Variants in XIRP2 observed in about 807,000 individuals in gnomAD.
XIRP2 encodes xin actin binding repeat containing 2.
XIRP2 carries 236 observed loss-of-function variants against 277.0 expected under a neutral mutation model. That is an observed-to-expected ratio of 0.85 (90% CI 0.77 to 0.95). The LOEUF is 0.95. Among genes scored for constraint, XIRP2 ranks in the 40% least tolerant of loss-of-function variants. The probability of loss-of-function intolerance (pLI) is 0.00; values close to 1 mark genes in which losing one functional copy is unlikely to be tolerated. For missense variants in XIRP2, 4,640 were observed against 4,157.5 expected (o/e 1.12, Z -3.19); for synonymous variants, 1,490 against 1,416.5 (o/e 1.05, Z -1.17).
intron 2 of XIRP2, among the ~76,000 whole-genome samples, chr2:166,908,185 G>T (rs1304278520): frequency 1.3e-5 from 2 of 152,104 alleles, no homozygotes; most frequent in African/African-American, 4.8e-5. Flanking sequence ...TTGAGGAATT[G>T]CCATACTGTC....
intron 2 of XIRP2, among the ~76,000 whole-genome samples, chr2:167,003,511 C>G (rs1339741533): frequency 6.7e-6 from 1 of 149,472 alleles, no homozygotes; most frequent in Non-Finnish European, 1.5e-5. Context: ...AGTGATAGCC[C>G]AGACACAAAA....
chr2:167,052,046 C>T (rs982344600), intron 2 of XIRP2, among the ~76,000 whole-genome samples: 3 of 151,914 alleles, frequency 2.0e-5, no homozygotes, highest in Admixed American at 6.6e-5. Flanking sequence ...ACTAGAGTGA[C>T]TACTACAAGC....
chr2:167,048,504 G>T (rs1300556132), intron 2 of XIRP2, among the ~76,000 whole-genome samples: 1 of 150,742 alleles, frequency 6.6e-6, no homozygotes, highest in Non-Finnish European at 1.5e-5. Context: ...CCCTTCTCTT[G>T]GTCCTTTTGC....
intron 5 of XIRP2, among the ~76,000 whole-genome samples, chr2:167,233,812 G>C (rs766647630): frequency 1.3e-5 from 2 of 151,234 alleles, no homozygotes; most frequent in Non-Finnish European, 3.0e-5. Flanking sequence ...TAGTGTCTCT[G>C]GTTTTAAGAT....
chr2:167,040,459 G>A (rs765728503), intron 2 of XIRP2, among the ~76,000 whole-genome samples: 1 of 152,024 alleles, frequency 6.6e-6, no homozygotes, highest in Non-Finnish European at 1.5e-5. Context: ...ACAAATCTTA[G>A]GAACACCAGC....
intron 2 of XIRP2, among the ~76,000 whole-genome samples, chr2:167,082,228 G>C (rs1689758469): frequency 6.6e-6 from 1 of 152,018 alleles, no homozygotes; most frequent in Admixed American, 6.6e-5. Context: ...AGTTTACTGA[G>C]AATGATGCTT....
chr2:167,182,440 C>G (rs1693043293), intron 3 of XIRP2, among the ~76,000 whole-genome samples: 1 of 152,160 alleles, frequency 6.6e-6, no homozygotes, highest in South Asian at 2.1e-4. Context: ...AGAGACAGGG[C>G]CTTGCCAGAG....
intron 3 of XIRP2, among the ~76,000 whole-genome samples, chr2:167,174,124 C>T (rs1191335272): frequency 6.6e-6 from 1 of 152,082 alleles, no homozygotes; most frequent in Non-Finnish European, 1.5e-5. Context: ...TGATTCTGGC[C>T]TCATAAAATG....
chr2:167,254,289 C>G (rs1242738360), intron 10 of XIRP2, 124 bp downstream of exon 10: 2 of 1,164,914 alleles, frequency 1.7e-6, no homozygotes, highest in Non-Finnish European at 2.3e-6. Context: ...CACAACCACA[C>G]AGGGAGATTT....
chr2:166,927,764 T>A (rs562888908), intron 2 of XIRP2, among the ~76,000 whole-genome samples: 7 of 152,116 alleles, frequency 4.6e-5, no homozygotes, highest in Non-Finnish European at 1.0e-4. Flanking sequence ...TTCCAAGGAA[T>A]AGGACATGGG....
chr2:166,889,343 C>G (rs570560923), intron 1 of XIRP2, among the ~76,000 whole-genome samples: 223 of 152,314 alleles, frequency 1.5e-3, no homozygotes, highest in African/African-American at 5.1e-3. Context: ...CAGACACCTC[C>G]CTAAACAATT....
intron 2 of XIRP2, among the ~76,000 whole-genome samples, chr2:166,969,354 G>A (rs1256690470): frequency 6.6e-6 from 1 of 151,900 alleles, no homozygotes; most frequent in Non-Finnish European, 1.5e-5. Context: ...TTCACGTCTA[G>A]TCAATATTCA....
chr2:166,921,292 T>C (rs1424929377), intron 2 of XIRP2, among the ~76,000 whole-genome samples: 1 of 152,166 alleles, frequency 6.6e-6, no homozygotes, highest in Non-Finnish European at 1.5e-5. Flanking sequence ...TGCCAAACTG[T>C]TGTCCAAAGT....
intron 3 of XIRP2, among the ~76,000 whole-genome samples, chr2:167,194,316 G>A (rs2105369867): frequency 6.6e-6 from 1 of 151,964 alleles, no homozygotes; most frequent in South Asian, 2.1e-4. Context: ...CCTCACCTCA[G>A]GTTATCCACC....
chr2:167,034,540 A>G (rs1377083956), intron 2 of XIRP2, among the ~76,000 whole-genome samples: 6 of 152,024 alleles, frequency 3.9e-5, no homozygotes, highest in African/African-American at 1.2e-4. Context: ...TGTTGCCTTC[A>G]AGAAACATAC....
chr2:167,047,191 ATAAAG>A (rs1688806570), intron 2 of XIRP2, among the ~76,000 whole-genome samples: 2 of 151,970 alleles, frequency 1.3e-5, no homozygotes, highest in Non-Finnish European at 2.9e-5. Context: ...GAATCAACAA[ATAAAG>A]TAATACAACT....
At chr2:167,257,615 C>G (rs1221495131) in intron 10 of XIRP2, among the ~76,000 whole-genome samples, 1 of 151,942 alleles carries the variant, frequency 6.6e-6, no homozygotes, top group Admixed American at 6.6e-5. Flanking sequence ...ATGTGCATTA[C>G]CCTATAATAC....
chr2:167,168,648 T>G (rs1426707666), intron 3 of XIRP2, among the ~76,000 whole-genome samples: 2 of 152,266 alleles, frequency 1.3e-5, no homozygotes, highest in Non-Finnish European at 2.9e-5. Flanking sequence ...GGAGTCTCGC[T>G]CTGTCGCCCA....
At chr2:167,165,164 T>C (rs1358692718) in intron 3 of XIRP2, among the ~76,000 whole-genome samples, 1 of 152,204 alleles carries the variant, frequency 6.6e-6, no homozygotes, top group East Asian at 1.9e-4. Flanking sequence ...CCATGTATTT[T>C]CATGCATTGA....
Sources: allele counts gnomAD v4.1 joint callset (sites outside exome capture counted in the v4.1 genomes callset), GRCh38; gene constraint gnomAD v4.1.1; transcripts MANE v1.5; gene names NCBI Gene and HGNC (gene_info 2026-07-23, HGNC 2026-07-21).